Variants in GLRA2 observed in about 807,000 individuals in gnomAD.
GLRA2 encodes the protein glycine receptor subunit alpha-2.
GLRA2 carries 11 observed loss-of-function variants against 31.6 expected under a neutral mutation model. The ratio of observed to expected loss-of-function variants is 0.35; its 90% CI spans 0.22 to 0.58. The LOEUF is 0.58. GLRA2 is among the 20% of genes least tolerant of loss of function. The pLI is 0.84. For missense variants in GLRA2, 212 were observed against 351.8 expected (o/e 0.60, Z 3.18); for synonymous variants, 132 against 134.0 (o/e 0.99, Z 0.10).
At chrX:14,510,080 G>C in the GLRA2 span, among the ~76,000 whole-genome samples, 1 of 111,472 alleles carries the variant, frequency 9.0e-6, no homozygotes, top group African/African-American at 3.3e-5. Context: ...AAATTAGAGA[G>C]GATTTATTAA....
At chrX:14,661,603 G>C (rs1368844434) in intron 7 of GLRA2, among the ~76,000 whole-genome samples, 2 of 111,690 alleles carry the variant, frequency 1.8e-5, no homozygotes, top group African/African-American at 6.5e-5. Flanking sequence ...TGGGTGTGGT[G>C]GCTGAGGCCT....
intron 7 of GLRA2, among the ~76,000 whole-genome samples, chrX:14,640,985 A>G (rs960928407): frequency 2.7e-5 from 3 of 111,089 alleles, no homozygotes; most frequent in Admixed American, 1.9e-4. Flanking sequence ...GTCCCCTAGC[A>G]AAATATGAGA....
chrX:14,651,869 A>T (rs1400400555), intron 7 of GLRA2, among the ~76,000 whole-genome samples: 1 of 111,737 alleles, frequency 8.9e-6, no homozygotes, highest in Non-Finnish European at 1.9e-5. Flanking sequence ...CTAACCTCCA[A>T]TGCGACGGTA....
chrX:14,526,514 A>G (rs748786530), upstream of GLRA2, among the ~76,000 whole-genome samples: 1 of 112,002 alleles, frequency 8.9e-6, no homozygotes, highest in South Asian at 3.8e-4. Context: ...AGATATCTCA[A>G]CTGGGGTCAT....
At chrX:14,664,785 T>C (rs752228330) in intron 7 of GLRA2, among the ~76,000 whole-genome samples, 2 of 112,137 alleles carry the variant, frequency 1.8e-5, no homozygotes, top group East Asian at 5.6e-4. Context: ...CTTTCTCCCA[T>C]TTAGAATTTC....
intron 7 of GLRA2, among the ~76,000 whole-genome samples, chrX:14,677,893 T>G (rs148764714): frequency 0.016 from 1,814 of 112,195 alleles, 10 homozygotes; most frequent in Admixed American, 0.019. Context: ...TTGTTTTTGC[T>G]TTCTCTCTCT....
chrX:14,604,338 C>A lies in GLRA2; in HGVS notation c.518C>A (p.Pro173His). 1 of 1,176,677 alleles carries A rather than the reference C, an allele frequency of 8.5e-7. No individual in the cohort carries two copies. Among genetic ancestry groups the A allele is most frequent in the South Asian group, 1.8e-5 (1 of 56,070 alleles). Residue 173 changes from proline (P) to histidine (H), a missense_variant, in exon 5 of 9, where the codon CCC (proline) becomes CAC (histidine). Physicochemically the swap from Pro to His is moderately conservative, Grantham distance 77. This residue lies in a region of GLRA2 where 110 missense variants were observed against 232.6 expected (regional missense o/e 0.47). Coordinates refer to ENST00000218075, the MANE Select transcript of GLRA2 (RefSeq NM_002063.4). ...SIRLTLTLSC[P>H]MDLKNFPMDV... is the part of the protein sequence containing the mutation. ...AGACTCACCTTGACCTTATCCTGTC[C>A]CATGGACTTGAAGAACTTTCCGATG...
At chrX:14,641,652 C>T (rs187318705) in intron 7 of GLRA2, among the ~76,000 whole-genome samples, 1 of 111,379 alleles carries the variant, frequency 9.0e-6, no homozygotes, top group Non-Finnish European at 1.9e-5. Context: ...TTAAGTTTGG[C>T]TATTGGTAAC....
At chrX:14,521,133 A>G in the GLRA2 span, among the ~76,000 whole-genome samples, 3 of 112,527 alleles carry the variant, frequency 2.7e-5, no homozygotes, top group African/African-American at 9.7e-5. Flanking sequence ...GATCCCTGAG[A>G]TATTTGTGAT....
intron 8 of GLRA2, among the ~76,000 whole-genome samples, chrX:14,708,793 G>A (rs752177443): frequency 2.4e-4 from 27 of 111,227 alleles, no homozygotes; most frequent in Admixed American, 7.6e-4. Context: ...AAAATTAGCC[G>A]GGCACGGTGG....
At chrX:14,718,844 T>C (rs1200764013) in intron 8 of GLRA2, among the ~76,000 whole-genome samples, 2 of 111,680 alleles carry the variant, frequency 1.8e-5, no homozygotes, top group Non-Finnish European at 3.8e-5. Flanking sequence ...TGAACTAACA[T>C]TGGAAGTCAT....
the GLRA2 span, among the ~76,000 whole-genome samples, chrX:14,480,241 T>G: frequency 8.9e-6 from 1 of 112,132 alleles, no homozygotes; most frequent in East Asian, 2.8e-4. Flanking sequence ...TTGTTTAAGC[T>G]CCTTACAGAT....
chrX:14,642,864 T>G (rs2090790410), intron 7 of GLRA2, among the ~76,000 whole-genome samples: 1 of 111,087 alleles, frequency 9.0e-6, no homozygotes, highest in African/African-American at 3.3e-5. Flanking sequence ...CTAGAACCAG[T>G]GAGCTGATAA....
chrX:14,492,270 G>T, the GLRA2 span, among the ~76,000 whole-genome samples: 4 of 111,002 alleles, frequency 3.6e-5, no homozygotes, highest in African/African-American at 9.8e-5. Context: ...ATGATTCAAA[G>T]GACATGAGGT....
In GLRA2 at chrX:14,568,712, A is replaced by G. The variant is rs2089841583; in HGVS notation, c.203-5621A>G. Among the ~76,000 whole-genome samples, 6 of 52,233 alleles carry G rather than the reference A, an allele frequency of 1.1e-4. No individual in the cohort carries two copies. The South Asian group carries it at 4.1e-3, about 36-fold the overall frequency. The allele number at this position is 52,233 out of a possible 115,157, so 45.4% of individuals were successfully genotyped here. ...TGTCTCAAAAAAAAAAAAAAAAAGA[A>G]AAGAAAAAAAAGAAATAGTGCTGGC... On this transcript the variant is annotated intron_variant, in intron 2 of 8. Coordinates refer to ENST00000218075, the MANE Select transcript of GLRA2 (RefSeq NM_002063.4).
chrX:14,556,515 T>C (rs900673421), intron 2 of GLRA2, among the ~76,000 whole-genome samples: 7 of 112,098 alleles, frequency 6.2e-5, no homozygotes, highest in Admixed American at 3.8e-4. Flanking sequence ...TTGATGACAT[T>C]TTATTATAGC....
At chrX:14,635,808 C>G (rs189269889) in intron 7 of GLRA2, among the ~76,000 whole-genome samples, 38 of 111,281 alleles carry the variant, frequency 3.4e-4, no homozygotes, top group African/African-American at 8.8e-4. Flanking sequence ...GAAAACAATT[C>G]CTAGGGAGAA....
chrX:14,484,719 A>G, the GLRA2 span, among the ~76,000 whole-genome samples: 3 of 111,819 alleles, frequency 2.7e-5, no homozygotes, highest in Non-Finnish European at 3.8e-5. Flanking sequence ...ACTTAGATGT[A>G]TAGAGGGACA....
chrX:14,457,669 T>C, the GLRA2 span, among the ~76,000 whole-genome samples: 1 of 111,620 alleles, frequency 9.0e-6, no homozygotes. Context: ...TACATGTGCA[T>C]GTGTCTTTAT....
Sources: gnomAD v4.1 joint callset for allele counts (sites outside exome capture counted in the v4.1 genomes callset) on GRCh38, gnomAD v4.1.1 for gene constraint, gnomAD v4.1.1 regional missense constraint, MANE v1.5 for transcripts, NCBI Gene and HGNC (gene_info 2026-07-23, HGNC 2026-07-21) for gene names.